Variants in AP3D1 observed in about 807,000 individuals in gnomAD.
The protein encoded by AP3D1 is AP-3 complex subunit delta-1.
Under a neutral mutation model 147.6 loss-of-function variants are expected in AP3D1, and 51 were observed. That is an observed-to-expected ratio of 0.35 (90% CI 0.28 to 0.44). The LOEUF is 0.44. AP3D1 is among the 20% of genes least tolerant of loss of function. The probability of loss-of-function intolerance (pLI) is 1.00; values close to 1 mark genes in which losing one functional copy is unlikely to be tolerated. For missense variants in AP3D1, 1,421 were observed against 1,624.2 expected (o/e 0.87, Z 2.15); for synonymous variants, 760 against 663.0 (o/e 1.15, Z -2.25).
At chr19:2,108,536 C>A in intron 31 of AP3D1, 151 bp downstream of exon 31, 1 of 680,772 alleles carries the variant, frequency 1.5e-6, no homozygotes, top group Admixed American at 2.7e-5. Flanking sequence ...CTGAGTGGGG[C>A]TGGCACAGGT....
At chr19:2,164,361 C>T in exon 1 of AP3D1, 1 of 835,432 alleles carries the variant, frequency 1.2e-6, no homozygotes, top group Non-Finnish European at 1.6e-6. Flanking sequence ...CTCACCGGTC[C>T]CCCCTGCGGA....
chr19:2,137,114 A>G, intron 3 of AP3D1, 23 bp from the exon 4 acceptor site: 1 of 1,564,146 alleles, frequency 6.4e-7, no homozygotes. Flanking sequence ...AGATGAGCAC[A>G]TCAGAGGCAG....
Position 2,129,070 on chromosome 19 carries a change from C to T in AP3D1, c.806+20G>A, listed in dbSNP as rs754342594. On this transcript the variant is annotated intron_variant, in intron 8 of 31. Transcript: ENST00000643116. ...CCCCGTGGAGCCGGCCCGCCCCCAC[C>T]GCGCATGGCCTGCACTCACCTGTGG... The T allele has an allele frequency of 9.6e-6, 15 of 1,562,652 alleles. No homozygotes were observed. The African/African-American group carries it at 1.6e-4, about 17-fold the overall frequency.
At chr19:2,132,639 G>C (rs2018981176) in intron 4 of AP3D1, 61 bp from the exon 5 acceptor site, 1 of 1,467,234 alleles carries the variant, frequency 6.8e-7, no homozygotes, top group African/African-American at 1.4e-5. Context: ...CCGACGCCTG[G>C]GTCACCAGGA....
intron 1 of AP3D1, among the ~76,000 whole-genome samples, chr19:2,149,080 C>T (rs970644446): frequency 6.6e-6 from 1 of 152,114 alleles, no homozygotes; most frequent in Non-Finnish European, 1.5e-5. Context: ...AGAGAACATC[C>T]AGAATCAGAC....
upstream of AP3D1, among the ~76,000 whole-genome samples, chr19:2,156,418 C>T (rs974919607): frequency 6.6e-6 from 1 of 151,998 alleles, no homozygotes; most frequent in African/African-American, 2.4e-5. Context: ...CACCAATCCA[C>T]TCATGCATCC....
At chr19:2,115,017 G>A (rs902252037) in intron 20 of AP3D1, among the ~76,000 whole-genome samples, 196 bp from the exon 21 acceptor site, 1 of 152,182 alleles carries the variant, frequency 6.6e-6, no homozygotes, top group African/African-American at 2.4e-5. Context: ...ACCTGCATCT[G>A]CCTCTGAAGC....
rs370017663 is a variant in AP3D1, at chr19:2,118,678, C to A, written c.1636G>T (p.Ala546Ser). 28 of 1,612,998 alleles carry A rather than the reference C, an allele frequency of 1.7e-5. 1 individual carries two copies. In the South Asian group the frequency reaches 2.1e-4, roughly 12 times the overall value. The change falls in exon 15 of 32, where the codon GCT becomes TCT. Residue 546 changes from alanine to serine, a missense_variant. By Grantham distance (99) the Ala-to-Ser change is moderately conservative. Transcript: ENST00000643116. Reference protein sequence around the residue: ...QKEQAGEAEGAQAVTQLMVDR... With the variant: ...QKEQAGEAEGSQAVTQLMVDR... ...ACCATGAGCTGGGTGACGGCCTGAGCGCCCTCTGCCTCCCCGGCCTGCTCC... is the reference window on the plus strand; with the variant it reads ...ACCATGAGCTGGGTGACGGCCTGAGAGCCCTCTGCCTCCCCGGCCTGCTCC...
chr19:2,126,810 G>A (rs2018770897), intron 9 of AP3D1, among the ~76,000 whole-genome samples: 1 of 152,154 alleles, frequency 6.6e-6, no homozygotes. Flanking sequence ...GCCCTGAGCA[G>A]CAGGGGCCGG....
intron 1 of AP3D1, among the ~76,000 whole-genome samples, chr19:2,142,619 T>C (rs1251703544): frequency 1.3e-5 from 2 of 152,198 alleles, no homozygotes; most frequent in Non-Finnish European, 2.9e-5. Context: ...CCCACGGTGC[T>C]TTCCACGTGG....
intron 5 of AP3D1, among the ~76,000 whole-genome samples, 176 bp from the exon 6 acceptor site, chr19:2,130,713 GTGC>G (rs2018915717): frequency 6.6e-6 from 1 of 152,206 alleles, no homozygotes; most frequent in Non-Finnish European, 1.5e-5. Flanking sequence ...CAGCCTCACT[GTGC>G]CCCTGACTCA....
At chr19:2,163,959 G>A (rs1206229042) in intron 1 of AP3D1, among the ~76,000 whole-genome samples, 3 of 149,734 alleles carry the variant, frequency 2.0e-5, no homozygotes, top group African/African-American at 4.9e-5. Context: ...GCCGGCCCAA[G>A]ATGGCGGAGG....
intron 12 of AP3D1, 109 bp from the exon 13 acceptor site, chr19:2,121,420 C>G: frequency 7.2e-7 from 1 of 1,388,808 alleles, no homozygotes; most frequent in South Asian, 1.3e-5. Context: ...ACAGGCGGAC[C>G]CGGATTCACA....
intron 1 of AP3D1, among the ~76,000 whole-genome samples, chr19:2,158,988 T>G (rs1310040550): frequency 6.9e-6 from 1 of 145,808 alleles, no homozygotes; most frequent in Non-Finnish European, 1.6e-5. Flanking sequence ...ACTGTCAACA[T>G]TTTCTGTTAT....
chr19:2,112,635 C>G (rs1024770378), intron 24 of AP3D1: 28 of 505,278 alleles, frequency 5.5e-5, no homozygotes, highest in Non-Finnish European at 6.3e-5. Flanking sequence ...TGTATACATA[C>G]TTCAAATGAA....
At chr19:2,141,973 C>A (rs1021897692) in intron 1 of AP3D1, among the ~76,000 whole-genome samples, 4 of 149,412 alleles carry the variant, frequency 2.7e-5, no homozygotes, top group Non-Finnish European at 5.9e-5. Flanking sequence ...TATGTATATA[C>A]TTGTTTACAT....
intron 4 of AP3D1, 97 bp from the exon 5 acceptor site, chr19:2,132,675 A>T: frequency 1.0e-6 from 1 of 1,004,516 alleles, no homozygotes; most frequent in Non-Finnish European, 1.5e-6. Flanking sequence ...TTCTCCCAGG[A>T]TGCCCCAGGA....
intron 31 of AP3D1, among the ~76,000 whole-genome samples, chr19:2,108,259 G>A (rs529483159): frequency 2.0e-5 from 3 of 152,334 alleles, no homozygotes; most frequent in Non-Finnish European, 4.4e-5. Context: ...CACACACTGC[G>A]TTTGGCAGTC....
intron 10 of AP3D1, 88 bp downstream of exon 10, chr19:2,123,742 G>T: frequency 6.8e-7 from 1 of 1,468,896 alleles, no homozygotes; most frequent in Non-Finnish European, 9.2e-7. Context: ...CCAGCACCTT[G>T]GTCACAGGGT....
Sources: gnomAD v4.1 joint callset for allele counts (sites outside exome capture counted in the v4.1 genomes callset) on GRCh38, gnomAD v4.1.1 for gene constraint, MANE v1.5 for transcripts, NCBI Gene and HGNC (gene_info 2026-07-23, HGNC 2026-07-21) for gene names.